The following BAD variants were observed in gnomAD, a reference collection of about 807,000 sequenced individuals.
BAD encodes BCL2 associated agonist of cell death, also known as bcl2-associated agonist of cell death.
A neutral mutation model predicts 17.8 loss-of-function variants in BAD; 18 were observed. The ratio of observed to expected loss-of-function variants is 1.01; its 90% CI spans 0.70 to 1.50. The LOEUF (loss-of-function observed/expected upper bound fraction) is 1.50, where lower values mean the gene tolerates loss of function less well. Ranked by LOEUF, BAD falls within the 40% of genes most tolerant of loss-of-function variation. BAD has a pLI of 0.00. For synonymous variants in BAD, 112 were observed against 91.5 expected (o/e 1.22, Z -1.28); for missense variants, 294 against 239.3 (o/e 1.23, Z -1.51).
chr11:64,279,484 C>T (rs903660151), intron 2 of BAD, among the ~76,000 whole-genome samples: 4 of 152,116 alleles, frequency 2.6e-5, no homozygotes, highest in South Asian at 2.1e-4. Context: ...CCACCTCTAG[C>T]GGCCAGACGC....
intron 3 of BAD, 55 bp from the exon 4 acceptor site, chr11:64,270,392 A>G: frequency 6.7e-7 from 1 of 1,500,024 alleles, no homozygotes; most frequent in East Asian, 2.3e-5. Context: ...AGCTCGAGCC[A>G]GGCTCTCCAC....
Position 64,284,306 on chromosome 11 carries a change from G to T in BAD, c.63C>A (p.Gly21=), listed in dbSNP as rs769270284. 2.7e-5 allele frequency: 43 copies of T among 1,612,218 alleles called. No homozygotes were observed. In the Admixed American group the frequency reaches 6.7e-4, roughly 25 times the overall value. Residue 21 remains glycine, a synonymous_variant, in exon 2 of 4, where the codon GGC becomes GGA. Transcript: ENST00000309032. ...EQEDSSSAER[G]LGPSPAGDGP... ...CGTCCCCTGCGGGGCTGGGGCCCAG[G>T]CCCCTCTCTGCAGAGCTGGAGTCTT...
chr11:64,277,357 T>C (rs2033146054), intron 2 of BAD, among the ~76,000 whole-genome samples: 1 of 152,214 alleles, frequency 6.6e-6, no homozygotes, highest in African/African-American at 2.4e-5. Flanking sequence ...CAGAAGCCCC[T>C]TCAGGCCTGC....
intron 1 of BAD, 101 bp from the exon 2 acceptor site, chr11:64,284,477 C>T: frequency 2.5e-6 from 4 of 1,591,188 alleles, no homozygotes; most frequent in Non-Finnish European, 3.4e-6. Flanking sequence ...CACCGTAGCG[C>T]CCCCAGGCCC....
Position 64,273,245 on chromosome 11 carries a change from C to T in BAD, c.188-1442G>A, listed in dbSNP as rs531357156. 2.5e-4 allele frequency among the ~76,000 whole-genome samples: 38 copies of T among 152,234 alleles called. No homozygotes were observed. In the South Asian group the frequency reaches 6.8e-3, roughly 27 times the overall value. On this transcript the variant is annotated intron_variant, in intron 2 of 3. Coordinates refer to ENST00000309032, the MANE Select transcript of BAD (RefSeq NM_032989.3). Reference sequence around the variant, plus strand: ...AAAATTAGTTAGGTGTGGTGGTTCACGCCTGTAGTCCCAGCCACTCAGGAG... The same window carrying T: ...AAAATTAGTTAGGTGTGGTGGTTCATGCCTGTAGTCCCAGCCACTCAGGAG...
chr11:64,276,607 G>A (rs1377151707), intron 2 of BAD, among the ~76,000 whole-genome samples: 2 of 152,194 alleles, frequency 1.3e-5, no homozygotes, highest in African/African-American at 2.4e-5. Context: ...GATTACAGGC[G>A]TGAGCCACGG....
intron 2 of BAD, among the ~76,000 whole-genome samples, chr11:64,274,925 C>A (rs576196498): frequency 3.3e-4 from 44 of 133,546 alleles, no homozygotes; most frequent in African/African-American, 1.3e-3. Context: ...GCGGAGGTTG[C>A]AGTGAGCTGA....
intron 2 of BAD, among the ~76,000 whole-genome samples, chr11:64,278,721 G>A (rs2033230750): frequency 6.6e-6 from 1 of 152,204 alleles, no homozygotes; most frequent in South Asian, 2.1e-4. Context: ...CAGACACTGG[G>A]CTGTGTGGGC....
At position 64,274,424 on chromosome 11, in the gene BAD, C is replaced by T. The variant is rs545327448; in HGVS notation, c.188-2621G>A. On this transcript the variant is annotated intron_variant, in intron 2 of 3. Transcript: ENST00000309032. ...AAAAGCAAGTAGGCGCAGTGGCTCA[C>T]GCCAGTAATCCCAACACTTTGGGAG... is the stretch of plus-strand genomic sequence containing the variant. 5.9e-5 allele frequency among the ~76,000 whole-genome samples: 9 copies of T among 151,708 alleles called. No homozygotes were observed. The South Asian group carries it at 1.5e-3, about 25-fold the overall frequency.
chr11:64,271,562 G>T, intron 3 of BAD, 51 bp downstream of exon 3: 2 of 1,362,270 alleles, frequency 1.5e-6, no homozygotes, highest in Non-Finnish European at 1.9e-6. Context: ...ACAGACCGGC[G>T]GGGGGCGGCC....
chr11:64,276,879 A>G, intron 2 of BAD: 1 of 751,666 alleles, frequency 1.3e-6, no homozygotes, highest in Non-Finnish European at 2.5e-6. Context: ...TGTGGCTAGA[A>G]GTGCCCCAGG....
chr11:64,278,086 G>A lies in BAD; in HGVS notation c.187+6096C>T, dbSNP rs548236679. 1.7e-3 allele frequency among the ~76,000 whole-genome samples: 259 copies of A among 152,166 alleles called. 2 individuals are homozygous for A. The highest frequency in any genetic ancestry group is 2.9e-3 in the Non-Finnish European group (194 of 67,998). Reference sequence around the variant, plus strand: ...AAGGACTGCTTGAGGCCAGGAGTTCGAGACCAGCCTGAGCAACACAGAAAG... The same window carrying A: ...AAGGACTGCTTGAGGCCAGGAGTTCAAGACCAGCCTGAGCAACACAGAAAG... On this transcript the variant is annotated intron_variant, in intron 2 of 3. Coordinates refer to ENST00000309032, the MANE Select transcript of BAD (RefSeq NM_032989.3).
At chr11:64,270,908 C>CTG (rs2032473020) in intron 3 of BAD, among the ~76,000 whole-genome samples, 1 of 99,510 alleles carries the variant, frequency 1.0e-5, no homozygotes, top group African/African-American at 2.9e-5. Context: ...GAGACACACA[C>CTG]ACACACACAC....
At chr11:64,270,988 A>T in intron 3 of BAD, among the ~76,000 whole-genome samples, 1 of 79,764 alleles carries the variant, frequency 1.3e-5, no homozygotes. Context: ...ACACACACAC[A>T]CACACACACA....
Position 64,270,898 on chromosome 11 carries a change from G to GACACACACACAC in BAD, c.379-562_379-561insGTGTGTGTGTGT, listed in dbSNP as rs1491175311. ...GACTACAGATCCCAGCATGCCCTGTGAGACACACACACACACACACACACA... is the reference window on the plus strand; with the variant it reads ...GACTACAGATCCCAGCATGCCCTGTGACACACACACACAGACACACACACACACACACACACA... On this transcript the variant is annotated intron_variant, in intron 3 of 3. Transcript: ENST00000309032. 5.8e-5 allele frequency among the ~76,000 whole-genome samples: 5 copies of GACACACACACAC among 86,948 alleles called. 1 individual carries two copies. The highest frequency in any genetic ancestry group is 3.6e-4 in the East Asian group (1 of 2,748). 57.0% of individuals were successfully genotyped at this position (86,948 alleles called of 152,430 possible).
intron 2 of BAD, among the ~76,000 whole-genome samples, chr11:64,273,855 CAAAAAAAA>C (rs34577596): frequency 4.3e-3 from 234 of 54,844 alleles, no homozygotes; most frequent in African/African-American, 0.015. Flanking sequence ...GCACCCATCT[CAAAAAAAA>C]AAAAAAAAAA....
chr11:64,274,394 A>G (rs1432543951), intron 2 of BAD, among the ~76,000 whole-genome samples: 1 of 151,532 alleles, frequency 6.6e-6, no homozygotes, highest in Non-Finnish European at 1.5e-5. Context: ...CTCGAGAAAA[A>G]AAAAAAAAGC....
At chr11:64,275,393 G>A (rs912922509) in intron 2 of BAD, among the ~76,000 whole-genome samples, 1 of 152,170 alleles carries the variant, frequency 6.6e-6, no homozygotes, top group African/African-American at 2.4e-5. Context: ...GCCAGGCCCT[G>A]GCCACATTCC....
Position 64,270,299 on chromosome 11 carries a change from C to G in BAD, c.417G>C (p.Thr139=), listed in dbSNP as rs2032411336. ...LPRPKSAGTA[T]QMRQSSSWTR... ...TCCAGCTGGAGCTTTGCCGCATCTG[C>G]GTTGCTGTGCCCGCGCTCTTCGGGC... The change falls in exon 4 of 4, where the codon ACG becomes ACC. Residue 139 remains threonine, a synonymous_variant. Coordinates refer to ENST00000309032, the MANE Select transcript of BAD (RefSeq NM_032989.3). 6.3e-7 allele frequency: 1 copy of G among 1,578,642 alleles called. No homozygotes were observed.
Sources: allele counts gnomAD v4.1 joint callset (sites outside exome capture counted in the v4.1 genomes callset), GRCh38; gene constraint gnomAD v4.1.1; transcripts MANE v1.5; gene names NCBI Gene and HGNC (gene_info 2026-07-23, HGNC 2026-07-21).